Variants in DYSF observed in about 807,000 individuals in gnomAD.
DYSF encodes the protein dysferlin, also known as dystrophy-associated fer-1-like 1.
In DYSF, 212 loss-of-function variants were observed where a neutral mutation model predicts 274.9. The ratio of observed to expected loss-of-function variants is 0.77; its 90% CI spans 0.69 to 0.86. DYSF has a LOEUF of 0.86. Among genes scored for constraint, DYSF ranks in the 40% least tolerant of loss-of-function variants. The pLI is 0.00. For missense variants in DYSF, 2,666 were observed against 2,783.2 expected (o/e 0.96, Z 0.95); for synonymous variants, 1,091 against 1,078.7 (o/e 1.01, Z -0.22).
chr2:71,591,343 C>A (rs1255803394), intron 32 of DYSF, among the ~76,000 whole-genome samples: 1 of 152,270 alleles, frequency 6.6e-6, no homozygotes, highest in African/African-American at 2.4e-5. Flanking sequence ...GCCTTCCCCT[C>A]TGCACAGATC....
intron 15 of DYSF, 61 bp downstream of exon 15, chr2:71,535,150 C>A: frequency 6.2e-7 from 1 of 1,606,540 alleles, no homozygotes; most frequent in South Asian, 1.1e-5. Context: ...TTCGGGAGGT[C>A]CAGGGCTCCT....
At chr2:71,673,695 G>C (rs961396415) in intron 51 of DYSF, among the ~76,000 whole-genome samples, 1 of 152,120 alleles carries the variant, frequency 6.6e-6, no homozygotes, top group Non-Finnish European at 1.5e-5. Context: ...AGCTGCCAGG[G>C]TTTGAGTCCA....
chr2:71,653,609 A>G (rs1345988266), intron 42 of DYSF, among the ~76,000 whole-genome samples: 6 of 139,234 alleles, frequency 4.3e-5, no homozygotes, highest in Non-Finnish European at 9.1e-5. Context: ...GAATTGAACA[A>G]TGAGATCACA....
At chr2:71,674,317 C>A (rs1284452182) in intron 52 of DYSF, 21 bp downstream of exon 52, 2 of 1,608,176 alleles carry the variant, frequency 1.2e-6, no homozygotes, top group Non-Finnish European at 1.7e-6. Context: ...TTGCTAGAAT[C>A]CCATTCTGCA....
At chr2:71,582,797 G>A in intron 30 of DYSF, among the ~76,000 whole-genome samples, 1 of 152,160 alleles carries the variant, frequency 6.6e-6, no homozygotes, top group East Asian at 1.9e-4. Flanking sequence ...GAGACGGGCA[G>A]TAGCACACTG....
intron 13 of DYSF, 59 bp downstream of exon 13, chr2:71,526,405 T>TGGGGGGGGGGGGGGGG: frequency 1.1e-5 from 4 of 370,352 alleles, no homozygotes; most frequent in East Asian, 1.1e-4. Context: ...GCAGGGCTGG[T>TGGGGGGGGGGGGGGGG]GGGGGTGGGC....
intron 17 of DYSF, 142 bp from the exon 18 acceptor site, chr2:71,550,899 T>C: frequency 1.4e-6 from 1 of 714,906 alleles, no homozygotes; most frequent in South Asian, 1.6e-5. Flanking sequence ...GGCGTTCTTC[T>C]TTATACACTG....
At chr2:71,606,130 C>T (rs2093642840) in intron 36 of DYSF, among the ~76,000 whole-genome samples, 2 of 152,120 alleles carry the variant, frequency 1.3e-5, no homozygotes, top group South Asian at 4.1e-4. Context: ...GCTGGGGGTG[C>T]CCCTTTCATG....
chr2:71,516,947 A>T (rs1291001584), intron 9 of DYSF, 42 bp from the exon 10 acceptor site: 1 of 1,606,138 alleles, frequency 6.2e-7, no homozygotes, highest in Non-Finnish European at 8.5e-7. Flanking sequence ...TGTGGGCCAC[A>T]TGTTCCCTGT....
chr2:71,557,204 G>A (rs970389290), intron 22 of DYSF, among the ~76,000 whole-genome samples: 2 of 152,230 alleles, frequency 1.3e-5, no homozygotes, highest in African/African-American at 4.8e-5. Flanking sequence ...GGTAAAGTGC[G>A]TTAGGAAGTT....
At chr2:71,547,190 A>G (rs1006777403) in intron 17 of DYSF, among the ~76,000 whole-genome samples, 2 of 152,260 alleles carry the variant, frequency 1.3e-5, no homozygotes, top group Non-Finnish European at 2.9e-5. Flanking sequence ...CTGCAGACAC[A>G]GGGGCGAGAG....
chr2:71,551,906 C>T (rs2152788584), intron 19 of DYSF, among the ~76,000 whole-genome samples, 186 bp downstream of exon 19: 1 of 152,328 alleles, frequency 6.6e-6, no homozygotes, highest in South Asian at 2.1e-4. Context: ...TGCCCTGCTT[C>T]CCTGGAGGGA....
chr2:71,468,072 G>A (rs1158010314), intron 1 of DYSF, among the ~76,000 whole-genome samples: 1 of 152,214 alleles, frequency 6.6e-6, no homozygotes, highest in South Asian at 2.1e-4. Flanking sequence ...GATTTGAAAC[G>A]TTTAAGAAAA....
In DYSF at chr2:71,503,318, G is replaced by A. The variant is rs779087093; in HGVS notation, c.344G>A (p.Gly115Glu). The A allele has an allele frequency of 7.4e-6, 12 of 1,614,008 alleles. No individual in the cohort carries two copies. The highest frequency in any genetic ancestry group is 1.3e-5 in the African/African-American group (1 of 74,926). ...PLLDTKKQPT[G>E]ASLVLQVSYT... ...CTGGACACCAAGAAGCAGCCCACAG[G>A]GGTAAGTGCCCATCAGCCTCTGCCA... The change falls in exon 4 of 56, where the codon GGG becomes GAG. Residue 115 changes from glycine to glutamate, a missense_variant and splice_region_variant. Coordinates refer to ENST00000410020, the MANE Select transcript of DYSF (RefSeq NM_001130987.2).
At chr2:71,553,257 C>A (rs188774539) in intron 20 of DYSF, 69 bp downstream of exon 20, 1 of 1,604,536 alleles carries the variant, frequency 6.2e-7, no homozygotes, top group African/African-American at 1.3e-5. Flanking sequence ...CCTTAAATCC[C>A]GCCTCCCATG....
intron 3 of DYSF, among the ~76,000 whole-genome samples, chr2:71,497,424 C>T (rs898163564): frequency 3.3e-5 from 5 of 152,100 alleles, no homozygotes; most frequent in South Asian, 4.1e-4. Flanking sequence ...ACCCGGTTCT[C>T]GTGATCTGAG....
chr2:71,458,550 T>C (rs1225093264), intron 1 of DYSF, among the ~76,000 whole-genome samples: 1 of 152,190 alleles, frequency 6.6e-6, no homozygotes, highest in East Asian at 1.9e-4. Context: ...TGGCTGGCAG[T>C]GGCCCTCACT....
intron 41 of DYSF, among the ~76,000 whole-genome samples, chr2:71,620,923 T>C (rs1198411648): frequency 6.6e-6 from 1 of 152,086 alleles, no homozygotes; most frequent in Non-Finnish European, 1.5e-5. Context: ...AGACTCTGAC[T>C]TCTGGAGTGT....
intron 21 of DYSF, 107 bp downstream of exon 21, chr2:71,554,038 G>A (rs2091162291): frequency 6.8e-6 from 10 of 1,475,902 alleles, no homozygotes; most frequent in Admixed American, 1.7e-5. Flanking sequence ...ACTGACACAC[G>A]GCTGTGCCTA....
Sources: allele counts gnomAD v4.1 joint callset (sites outside exome capture counted in the v4.1 genomes callset), GRCh38; gene constraint gnomAD v4.1.1; transcripts MANE v1.5; gene names NCBI Gene and HGNC (gene_info 2026-07-23, HGNC 2026-07-21).